Variants in GTF2IRD2B observed in about 807,000 individuals in gnomAD.
The protein encoded by GTF2IRD2B is GTF2I repeat domain containing 2B, also known as general transcription factor II-I repeat domain-containing protein 2B.
Under a neutral mutation model 55.6 loss-of-function variants are expected in GTF2IRD2B, and 10 were observed. The ratio of observed to expected loss-of-function variants is 0.18; its 90% CI spans 0.11 to 0.31. GTF2IRD2B has a LOEUF of 0.31. Ranked by LOEUF, GTF2IRD2B falls within the 10% of genes least tolerant of loss-of-function variation. The probability of loss-of-function intolerance (pLI) is 1.00; values close to 1 mark genes in which losing one functional copy is unlikely to be tolerated. For synonymous variants in GTF2IRD2B, 107 were observed against 320.5 expected, an observed-to-expected ratio of 0.33 and a Z score of 7.12; for missense variants, 206 against 802.7, an observed-to-expected ratio of 0.26 and a Z score of 8.98.
chr7:75,107,327 G>C (rs1162595788), intron 1 of GTF2IRD2B, among the ~76,000 whole-genome samples: 2 of 152,258 alleles, frequency 1.3e-5, no homozygotes, highest in Middle Eastern at 6.8e-3. Context: ...TGTAATCCCA[G>C]CACTTTGGGA....
chr7:75,136,416 T>G (rs1808840328), intron 10 of GTF2IRD2B, among the ~76,000 whole-genome samples: 1 of 146,588 alleles, frequency 6.8e-6, no homozygotes, highest in Admixed American at 6.8e-5. Flanking sequence ...TTCTCCCTCC[T>G]CAGCCTCCTG....
intron 1 of GTF2IRD2B, among the ~76,000 whole-genome samples, chr7:75,107,309 C>T (rs1807837806): frequency 6.6e-6 from 1 of 152,160 alleles, no homozygotes; most frequent in Non-Finnish European, 1.5e-5. Flanking sequence ...GGCGCGGTGG[C>T]TCACGCCTGT....
At chr7:75,127,495 G>C (rs1554535648) in intron 8 of GTF2IRD2B, among the ~76,000 whole-genome samples, 1 of 144,562 alleles carries the variant, frequency 6.9e-6, no homozygotes, top group African/African-American at 2.5e-5. Context: ...AAAAAAAAGA[G>C]AGAGAGAGAG....
chr7:75,108,732 C>T (rs2115715479), intron 1 of GTF2IRD2B, among the ~76,000 whole-genome samples: 1 of 27,526 alleles, frequency 3.6e-5, no homozygotes, highest in South Asian at 1.2e-3. Flanking sequence ...TGCACTCCAG[C>T]CTGGGTGACA....
In GTF2IRD2B at chr7:75,093,683, C is replaced by T. The variant is rs1456258716; in HGVS notation, c.-6+918C>T. Among the ~76,000 whole-genome samples the T allele has an allele frequency of 5.9e-5, 9 of 152,234 alleles. No individual in the cohort carries two copies. In the East Asian group the frequency reaches 1.7e-3, roughly 29 times the overall value. On this transcript the variant is annotated intron_variant, in intron 1 of 15. Coordinates refer to ENST00000472837, the MANE Select transcript of GTF2IRD2B (RefSeq NM_001003795.3). ...AGTTTTTTGTGTGTCTGGCTTCTTT[C>T]CTTCTTTATGGCTGAATAAAAATCC...
intron 3 of GTF2IRD2B, among the ~76,000 whole-genome samples, chr7:75,115,923 T>TA (rs1379923393): frequency 0.017 from 2,485 of 142,672 alleles, 4 homozygotes; most frequent in African/African-American, 0.06. Flanking sequence ...TCTTTCTTTT[T>TA]TTTTTTTTTT....
At chr7:75,145,745 A>G (rs1432326384) in intron 15 of GTF2IRD2B, among the ~76,000 whole-genome samples, 3 of 146,988 alleles carry the variant, frequency 2.0e-5, no homozygotes, top group African/African-American at 7.4e-5. Context: ...AAAAAAAAAA[A>G]AAAGAAAAGA....
At chr7:75,101,564 C>T (rs1807558649) in intron 1 of GTF2IRD2B, among the ~76,000 whole-genome samples, 1 of 150,878 alleles carries the variant, frequency 6.6e-6, no homozygotes, top group South Asian at 2.1e-4. Flanking sequence ...GCCTGGGTGA[C>T]AGAATGAGAC....
chr7:75,104,303 A>AGG (rs1158226944), intron 1 of GTF2IRD2B, among the ~76,000 whole-genome samples: 4 of 151,550 alleles, frequency 2.6e-5, no homozygotes, highest in Non-Finnish European at 4.4e-5. Context: ...TTAGTAGAGA[A>AGG]GGGGGGGGTC....
chr7:75,104,397 G>C (rs1414335115), intron 1 of GTF2IRD2B, among the ~76,000 whole-genome samples: 1 of 152,162 alleles, frequency 6.6e-6, no homozygotes, highest in Non-Finnish European at 1.5e-5. Flanking sequence ...GGGATTATAG[G>C]CGTGAGCCAC....
chr7:75,105,112 A>G (rs1218458363), intron 1 of GTF2IRD2B, among the ~76,000 whole-genome samples: 2 of 152,304 alleles, frequency 1.3e-5, no homozygotes, highest in Non-Finnish European at 2.9e-5. Context: ...GGGAGGATCA[A>G]CTGAGCCCAG....
At chr7:75,139,498 G>A (rs1808952569) in intron 12 of GTF2IRD2B, among the ~76,000 whole-genome samples, 1 of 96,610 alleles carries the variant, frequency 1.0e-5, no homozygotes, top group Admixed American at 1.0e-4. Context: ...GCCGGGTGTG[G>A]TGGCGAGCAC....
chr7:75,129,918 A>G (rs1378909944), intron 8 of GTF2IRD2B, among the ~76,000 whole-genome samples: 5 of 150,518 alleles, frequency 3.3e-5, no homozygotes, highest in African/African-American at 1.2e-4. Context: ...TTGAACAAAA[A>G]TATGCTTCCT....
chr7:75,132,769 T>C (rs1366549639), intron 8 of GTF2IRD2B, among the ~76,000 whole-genome samples: 6 of 148,212 alleles, frequency 4.0e-5, no homozygotes, highest in Non-Finnish European at 7.4e-5. Context: ...GCCAGGTTGG[T>C]CTCAAACTCC....
chr7:75,139,626 T>C (rs1584549332), intron 12 of GTF2IRD2B, among the ~76,000 whole-genome samples: 1 of 120,248 alleles, frequency 8.3e-6, no homozygotes, highest in Non-Finnish European at 1.7e-5. Context: ...AGAGTGAGAC[T>C]CTGTCTCAAA....
intron 1 of GTF2IRD2B, among the ~76,000 whole-genome samples, chr7:75,103,219 C>T (rs1348219345): frequency 6.6e-6 from 1 of 152,002 alleles, no homozygotes; most frequent in Non-Finnish European, 1.5e-5. Context: ...GTAGAGGTTG[C>T]AGTGAGCCGA....
chr7:75,119,933 T>C (rs1554451765), intron 3 of GTF2IRD2B, among the ~76,000 whole-genome samples: 2 of 125,226 alleles, frequency 1.6e-5, no homozygotes, highest in East Asian at 2.1e-4. Flanking sequence ...TCGAGACCAT[T>C]CTGGCTAACG....
chr7:75,104,128 C>CT (rs1305634883), intron 1 of GTF2IRD2B, among the ~76,000 whole-genome samples: 1 of 134,852 alleles, frequency 7.4e-6, no homozygotes, highest in African/African-American at 2.8e-5. Context: ...TGGCATCTCC[C>CT]TTTTTTTGTT....
At chr7:75,105,595 A>G (rs1807769588) in intron 1 of GTF2IRD2B, among the ~76,000 whole-genome samples, 1 of 152,310 alleles carries the variant, frequency 6.6e-6, no homozygotes, top group South Asian at 2.1e-4. Context: ...AGAGATTTAT[A>G]AAAATTTTTA....
Sources: gnomAD v4.1 joint callset for allele counts (sites outside exome capture counted in the v4.1 genomes callset) on GRCh38, gnomAD v4.1.1 for gene constraint, MANE v1.5 for transcripts, NCBI Gene and HGNC (gene_info 2026-07-23, HGNC 2026-07-21) for gene names.